Variants in ANGPT1 observed in about 807,000 individuals in gnomAD.
The protein encoded by ANGPT1 is angiopoietin-1.
A neutral mutation model predicts 62.2 loss-of-function variants in ANGPT1; 17 were observed. That is an observed-to-expected ratio of 0.27 (90% CI 0.19 to 0.41). ANGPT1 has a LOEUF of 0.41. Among genes scored for constraint, ANGPT1 ranks in the 10% least tolerant of loss-of-function variants. ANGPT1 has a pLI of 1.00. For missense variants in ANGPT1, 478 were observed against 594.9 expected (o/e 0.80, Z 2.04); for synonymous variants, 199 against 198.9 (o/e 1.00, Z 0.00).
intron 2 of ANGPT1, among the ~76,000 whole-genome samples, chr8:107,341,671 T>C (rs1815698921): frequency 6.7e-6 from 1 of 149,870 alleles, no homozygotes; most frequent in South Asian, 2.1e-4. Context: ...AACCCTATAT[T>C]ATATTTATAA....
rs116049817 is a variant in ANGPT1 at position 107,412,505 on chromosome 8, T to C, written c.298-65408A>G. Among the ~76,000 whole-genome samples, 339 of 152,274 alleles carry C rather than the reference T, an allele frequency of 2.2e-3. 1 individual carries two copies. Among genetic ancestry groups the C allele is most frequent in the African/African-American group, 7.8e-3 (323 of 41,572 alleles). On this transcript the variant is annotated intron_variant, in intron 1 of 8. Coordinates refer to ENST00000517746, the MANE Select transcript of ANGPT1 (RefSeq NM_001146.5). ...AACAGACTGATTCTGATAGTATATG[T>C]ACACATATATACATTGAACATATGT...
chr8:107,379,466 T>C (rs1816593569), intron 1 of ANGPT1, among the ~76,000 whole-genome samples: 1 of 152,112 alleles, frequency 6.6e-6, no homozygotes, highest in South Asian at 2.1e-4. Context: ...ACTGTTTGTT[T>C]AAGTAAATAA....
At chr8:107,288,568 CAGAGGGAGAGCTATACATGT>C (rs964654590) in intron 6 of ANGPT1, among the ~76,000 whole-genome samples, 6 of 152,016 alleles carry the variant, frequency 3.9e-5, no homozygotes, top group African/African-American at 1.5e-4. Context: ...GGGGTGGACT[CAGAGGGAGAGCTATACATGT>C]AAAAGGTTGC....
At chr8:107,369,060 A>G (rs1292707898) in intron 1 of ANGPT1, among the ~76,000 whole-genome samples, 1 of 149,732 alleles carries the variant, frequency 6.7e-6, no homozygotes, top group Non-Finnish European at 1.5e-5. Flanking sequence ...CAAGTCCTAG[A>G]AAGCATCTTC....
At chr8:107,396,042 G>C (rs1816927550) in intron 1 of ANGPT1, among the ~76,000 whole-genome samples, 1 of 152,154 alleles carries the variant, frequency 6.6e-6, no homozygotes, top group Non-Finnish European at 1.5e-5. Flanking sequence ...GAATGGTAAA[G>C]AGAAAAGCTT....
intron 2 of ANGPT1, among the ~76,000 whole-genome samples, chr8:107,336,684 AAAAAG>A (rs202091763): frequency 1.1e-4 from 17 of 151,502 alleles, no homozygotes; most frequent in African/African-American, 3.9e-4. Flanking sequence ...AAAAAAAAAA[AAAAAG>A]GTTTACATTC....
chr8:107,264,056 T>A (rs1813557473), intron 8 of ANGPT1, among the ~76,000 whole-genome samples, 165 bp downstream of exon 8: 1 of 152,158 alleles, frequency 6.6e-6, no homozygotes, highest in Admixed American at 6.5e-5. Context: ...GCTAGCAATG[T>A]CTTACACAAG....
intron 5 of ANGPT1, among the ~76,000 whole-genome samples, chr8:107,298,016 G>A (rs1814461385): frequency 6.6e-6 from 1 of 151,820 alleles, no homozygotes; most frequent in Non-Finnish European, 1.5e-5. Context: ...ACAAGACCCT[G>A]CTACATTAAC....
intron 1 of ANGPT1, among the ~76,000 whole-genome samples, chr8:107,380,459 T>C (rs1233293158): frequency 6.6e-6 from 1 of 151,804 alleles, no homozygotes; most frequent in African/African-American, 2.4e-5. Context: ...ACATATACTA[T>C]GCATACACAT....
intron 1 of ANGPT1, among the ~76,000 whole-genome samples, chr8:107,384,473 T>C (rs1305203895): frequency 6.6e-6 from 1 of 152,076 alleles, no homozygotes; most frequent in Middle Eastern, 3.2e-3. Flanking sequence ...GACTTTGCTA[T>C]ATGAGAAGTT....
At chr8:107,453,604 T>C (rs1811839759) in intron 1 of ANGPT1, among the ~76,000 whole-genome samples, 1 of 151,938 alleles carries the variant, frequency 6.6e-6, no homozygotes, top group Non-Finnish European at 1.5e-5. Flanking sequence ...CCACAACACA[T>C]GGGAATTCAA....
At chr8:107,348,508 T>A (rs889848287) in intron 1 of ANGPT1, among the ~76,000 whole-genome samples, 2 of 152,132 alleles carry the variant, frequency 1.3e-5, no homozygotes, top group African/African-American at 4.8e-5. Flanking sequence ...TTCCCCTTCA[T>A]TCATTTTTCC....
chr8:107,439,473 C>G (rs1017003992), intron 1 of ANGPT1, among the ~76,000 whole-genome samples: 6 of 152,168 alleles, frequency 3.9e-5, no homozygotes, highest in Admixed American at 1.3e-4. Context: ...CAAGAGCCAT[C>G]TTTGATCTAT....
intron 1 of ANGPT1, among the ~76,000 whole-genome samples, chr8:107,423,703 C>T (rs1205866849): frequency 6.6e-6 from 1 of 151,928 alleles, no homozygotes. Context: ...ACACAGTACT[C>T]GAAAAGGGTG....
At chr8:107,399,296 T>C (rs528716902) in intron 1 of ANGPT1, among the ~76,000 whole-genome samples, 2 of 152,314 alleles carry the variant, frequency 1.3e-5, no homozygotes, top group African/African-American at 2.4e-5. Flanking sequence ...AGTCAAGGAC[T>C]GTGATAGGCT....
chr8:107,322,493 A>G (rs1313845934), intron 3 of ANGPT1, among the ~76,000 whole-genome samples: 2 of 152,204 alleles, frequency 1.3e-5, no homozygotes, highest in African/African-American at 2.4e-5. Flanking sequence ...AGGAAACAGA[A>G]TAGTTCAGGA....
In ANGPT1 at chr8:107,344,222, T is replaced by C. The variant is rs1020422431; in HGVS notation, c.453+2720A>G. On this transcript the variant is annotated intron_variant, in intron 2 of 8. Coordinates refer to ENST00000517746, the MANE Select transcript of ANGPT1 (RefSeq NM_001146.5). The stretch of plus-strand genomic sequence containing the variant: ...AATTTTAAGGCAATTTGTTTGTCTG[T>C]TAGTTTCCCCAAAAACCAAATTTGC... 2.0e-5 allele frequency among the ~76,000 whole-genome samples: 3 copies of C among 152,200 alleles called. No homozygotes were observed. The South Asian group carries it at 6.2e-4, about 32-fold the overall frequency.
chr8:107,459,255 A>T (rs896698671), intron 1 of ANGPT1, among the ~76,000 whole-genome samples: 1 of 152,174 alleles, frequency 6.6e-6, no homozygotes, highest in African/African-American at 2.4e-5. Flanking sequence ...AAAACAAATG[A>T]AAAGTAGATT....
At chr8:107,379,100 G>C (rs746369376) in intron 1 of ANGPT1, among the ~76,000 whole-genome samples, 7 of 151,972 alleles carry the variant, frequency 4.6e-5, no homozygotes, top group African/African-American at 7.2e-5. Flanking sequence ...TTAGGGATGA[G>C]GGATGGGAGT....
Sources: allele counts gnomAD v4.1 joint callset (sites outside exome capture counted in the v4.1 genomes callset), GRCh38; gene constraint gnomAD v4.1.1; transcripts MANE v1.5; gene names NCBI Gene and HGNC (gene_info 2026-07-23, HGNC 2026-07-21).